The following CSMD1 variants were observed in gnomAD, a reference collection of about 807,000 sequenced individuals.
CSMD1 encodes CUB and Sushi multiple domains 1.
CSMD1 carries 213 observed loss-of-function variants against 417.5 expected under a neutral mutation model. That is an observed-to-expected ratio of 0.51 (90% CI 0.46 to 0.57). CSMD1 has a LOEUF of 0.57. Among genes scored for constraint, CSMD1 ranks in the 20% least tolerant of loss-of-function variants. The pLI is 0.00. For missense variants in CSMD1, 6,923 were observed against 4,529.7 expected (o/e 1.53, Z -15.17); for synonymous variants, 2,862 against 1,736.8 (o/e 1.65, Z -16.11).
chr8:4,874,171 T>C (rs980699469), intron 1 of CSMD1, among the ~76,000 whole-genome samples: 4 of 152,068 alleles, frequency 2.6e-5, no homozygotes, highest in Non-Finnish European at 5.9e-5. Flanking sequence ...TATACTTGCA[T>C]CATAATGAAT....
At chr8:3,276,232 A>G (rs1435198196) in intron 26 of CSMD1, among the ~76,000 whole-genome samples, 2 of 152,062 alleles carry the variant, frequency 1.3e-5, no homozygotes, top group Non-Finnish European at 2.9e-5. Flanking sequence ...CCTCTCAGTT[A>G]GGCTTCTTGG....
chr8:3,591,560 T>C (rs17395764), intron 8 of CSMD1, among the ~76,000 whole-genome samples: 4,373 of 152,282 alleles, frequency 0.029, 84 homozygotes, highest in Non-Finnish European at 0.045. Flanking sequence ...TTGACTTAGC[T>C]GTCCGCTGTT....
chr8:3,752,206 G>T (rs746563155), intron 6 of CSMD1, among the ~76,000 whole-genome samples: 2 of 152,024 alleles, frequency 1.3e-5, no homozygotes, highest in African/African-American at 4.8e-5. Context: ...AAGGAGGATC[G>T]GCCTGGCCTG....
chr8:3,679,237 G>A (rs1799530965), intron 7 of CSMD1, among the ~76,000 whole-genome samples: 1 of 152,116 alleles, frequency 6.6e-6, no homozygotes, highest in South Asian at 2.1e-4. Context: ...GACGCAGACT[G>A]GCAAATTGGA....
At chr8:4,150,993 T>C (rs1482200043) in intron 3 of CSMD1, among the ~76,000 whole-genome samples, 2 of 152,168 alleles carry the variant, frequency 1.3e-5, no homozygotes, top group Non-Finnish European at 1.5e-5. Flanking sequence ...GACATTATTT[T>C]GGAGAAATGA....
intron 3 of CSMD1, among the ~76,000 whole-genome samples, chr8:4,212,563 G>A (rs1455884907): frequency 3.3e-5 from 5 of 151,690 alleles, no homozygotes; most frequent in Non-Finnish European, 7.4e-5. Context: ...CTAAAATAAA[G>A]AATAGTTGAT....
At chr8:3,917,372 G>T (rs984120247) in intron 5 of CSMD1, among the ~76,000 whole-genome samples, 1 of 151,816 alleles carries the variant, frequency 6.6e-6, no homozygotes, top group South Asian at 2.1e-4. Flanking sequence ...ACACTTCACC[G>T]CACTGCTTCC....
At chr8:4,601,914 A>C (rs1031658220) in intron 2 of CSMD1, among the ~76,000 whole-genome samples, 2 of 152,172 alleles carry the variant, frequency 1.3e-5, no homozygotes, top group Non-Finnish European at 2.9e-5. Context: ...GAGTGTGAAC[A>C]AGAAGGAATT....
intron 1 of CSMD1, among the ~76,000 whole-genome samples, chr8:4,672,249 C>T (rs1022231249): frequency 2.0e-5 from 3 of 152,072 alleles, no homozygotes; most frequent in Admixed American, 6.6e-5. Flanking sequence ...GGTCACAGGA[C>T]ACATATCAGG....
chr8:3,476,221 C>G (rs556925760), intron 11 of CSMD1, among the ~76,000 whole-genome samples: 1 of 152,172 alleles, frequency 6.6e-6, no homozygotes, highest in African/African-American at 2.4e-5. Context: ...TGGATAACAC[C>G]TATCTCTGAC....
intron 3 of CSMD1, among the ~76,000 whole-genome samples, chr8:4,112,143 G>A (rs1446903024): frequency 6.6e-6 from 1 of 152,152 alleles, no homozygotes; most frequent in Admixed American, 6.5e-5. Flanking sequence ...AAAGTGCTGG[G>A]CATCCAGAGC....
At chr8:4,390,247 A>G (rs1488861457) in intron 3 of CSMD1, among the ~76,000 whole-genome samples, 1 of 152,120 alleles carries the variant, frequency 6.6e-6, no homozygotes, top group African/African-American at 2.4e-5. Context: ...TTCTTGGGGA[A>G]AAAGAAAAAC....
intron 68 of CSMD1, among the ~76,000 whole-genome samples, chr8:2,948,853 A>C (rs1235118579): frequency 6.6e-6 from 1 of 152,068 alleles, no homozygotes; most frequent in Non-Finnish European, 1.5e-5. Context: ...CCAATTATTA[A>C]AACTTTGTCA....
intron 37 of CSMD1, among the ~76,000 whole-genome samples, chr8:3,171,478 G>C (rs1476222658): frequency 6.6e-6 from 1 of 152,150 alleles, no homozygotes; most frequent in Non-Finnish European, 1.5e-5. Context: ...CAGGACTGAG[G>C]TTTTCATAAA....
intron 3 of CSMD1, among the ~76,000 whole-genome samples, chr8:4,093,110 T>C (rs1480793076): frequency 6.6e-6 from 1 of 152,206 alleles, no homozygotes; most frequent in Non-Finnish European, 1.5e-5. Flanking sequence ...AAGGCCCTTG[T>C]GCCTAAAATC....
chr8:3,646,824 T>C (rs1030724307), intron 7 of CSMD1, among the ~76,000 whole-genome samples: 1 of 151,980 alleles, frequency 6.6e-6, no homozygotes, highest in Admixed American at 6.6e-5. Context: ...TTCCCCTGCC[T>C]CCTCCCACCC....
At chr8:3,229,331 A>G (rs1798693413) in intron 27 of CSMD1, among the ~76,000 whole-genome samples, 1 of 152,232 alleles carries the variant, frequency 6.6e-6, no homozygotes, top group Non-Finnish European at 1.5e-5. Flanking sequence ...TTTAAGACTT[A>G]GATGATATAC....
intron 2 of CSMD1, among the ~76,000 whole-genome samples, chr8:4,516,386 C>A (rs980154465): frequency 1.1e-4 from 17 of 152,138 alleles, no homozygotes; most frequent in African/African-American, 3.9e-4. Context: ...ATCATGGCAG[C>A]CTGAGACTAA....
At chr8:3,123,860 T>C (rs184764130) in intron 41 of CSMD1, among the ~76,000 whole-genome samples, 6 of 152,328 alleles carry the variant, frequency 3.9e-5, no homozygotes, top group East Asian at 1.9e-4. Flanking sequence ...GTGTTAATAG[T>C]ATGTAAGGCA....
Sources: allele counts gnomAD v4.1 joint callset (sites outside exome capture counted in the v4.1 genomes callset), GRCh38; gene constraint gnomAD v4.1.1; transcripts MANE v1.5; gene names NCBI Gene and HGNC (gene_info 2026-07-23, HGNC 2026-07-21).